Variants in ASPH observed in about 807,000 individuals in gnomAD.
ASPH encodes the protein aspartate beta-hydroxylase, also known as aspartyl/asparaginyl beta-hydroxylase.
In ASPH, 100 loss-of-function variants were observed where a neutral mutation model predicts 118.4. The observed-to-expected ratio is 0.84, with a 90% confidence interval of 0.72 to 1.00. The LOEUF (loss-of-function observed/expected upper bound fraction) is 1.00. Among genes scored for constraint, ASPH ranks in the 50% least tolerant of loss-of-function variants. ASPH has a pLI of 0.00. For synonymous variants in ASPH, 315 were observed against 325.6 expected, an observed-to-expected ratio of 0.97 and a Z score of 0.35; for missense variants, 920 against 919.5, an observed-to-expected ratio of 1.00 and a Z score of -0.01.
intron 16 of ASPH, among the ~76,000 whole-genome samples, chr8:61,572,499 A>T (rs2131934623): frequency 6.6e-6 from 1 of 152,216 alleles, no homozygotes; most frequent in East Asian, 1.9e-4. Flanking sequence ...ATCACTCCAG[A>T]CTTGCTCTTC....
At chr8:61,644,511 A>C in intron 7 of ASPH, 89 bp downstream of exon 7, 1 of 837,090 alleles carries the variant, frequency 1.2e-6, no homozygotes, top group Non-Finnish European at 1.7e-6. Context: ...ATTTAAATAT[A>C]TCATTAATAA....
chr8:61,550,597 C>A (rs1011209963), intron 20 of ASPH, among the ~76,000 whole-genome samples: 1 of 152,178 alleles, frequency 6.6e-6, no homozygotes, highest in Non-Finnish European at 1.5e-5. Flanking sequence ...GGGGTATGTT[C>A]TGCCTGGAGC....
chr8:61,617,947 AAAAGAAAG>A, intron 14 of ASPH, among the ~76,000 whole-genome samples: 1 of 150,668 alleles, frequency 6.6e-6, no homozygotes, highest in South Asian at 2.1e-4. Context: ...AAAAAAAAAA[AAAAGAAAG>A]AAAGAAAGAA....
intron 14 of ASPH, among the ~76,000 whole-genome samples, chr8:61,595,154 A>T (rs1842181022): frequency 6.6e-6 from 1 of 152,224 alleles, no homozygotes; most frequent in South Asian, 2.1e-4. Flanking sequence ...TCCATATGCT[A>T]TAAGAATGAA....
At chr8:61,549,746 A>G (rs1563780960) in intron 20 of ASPH, among the ~76,000 whole-genome samples, 1 of 152,228 alleles carries the variant, frequency 6.6e-6, no homozygotes, top group Non-Finnish European at 1.5e-5. Flanking sequence ...AATACTAAGG[A>G]CAACAGATTG....
intron 1 of ASPH, chr8:61,687,359 T>C (rs1830948196): frequency 6.6e-6 from 1 of 152,198 alleles, no homozygotes; most frequent in African/African-American, 2.4e-5. Flanking sequence ...AGCAAGGGAT[T>C]CAGATGGGAA....
chr8:61,675,804 A>G, intron 3 of ASPH: 2 of 1,246,644 alleles, frequency 1.6e-6, no homozygotes, highest in Middle Eastern at 3.1e-4. Flanking sequence ...CGATACAGAA[A>G]CCAATTATAC....
At chr8:61,548,704 C>G (rs1022997768) in intron 20 of ASPH, among the ~76,000 whole-genome samples, 2 of 152,112 alleles carry the variant, frequency 1.3e-5, no homozygotes, top group Admixed American at 6.5e-5. Context: ...CACACCAAGG[C>G]GTCAGAGTGC....
Position 61,527,198 on chromosome 8 carries a change from T to C in ASPH, c.1765-1086A>G, listed in dbSNP as rs144663834. ...TTTTTATGGAAAAATGGAAAACCAG[T>C]AGAATATTCTAAAGATTGATTGAGT... On this transcript the variant is annotated intron_variant, in intron 21 of 24. Transcript: ENST00000379454. 2.3e-3 allele frequency among the ~76,000 whole-genome samples: 357 copies of C among 152,316 alleles called. 4 individuals are homozygous for C. Among genetic ancestry groups the C allele is most frequent in the African/African-American group, 8.1e-3 (335 of 41,574 alleles).
chr8:61,534,070 C>G (rs180964051), intron 21 of ASPH, among the ~76,000 whole-genome samples: 1 of 152,272 alleles, frequency 6.6e-6, no homozygotes, highest in African/African-American at 2.4e-5. Flanking sequence ...GCCTCAGCCT[C>G]CTGTGTAGCT....
intron 14 of ASPH, among the ~76,000 whole-genome samples, chr8:61,612,013 A>G (rs945569423): frequency 2.0e-5 from 3 of 147,046 alleles, no homozygotes; most frequent in African/African-American, 7.5e-5. Flanking sequence ...AATAGGAATC[A>G]CCTGACCCAG....
intron 23 of ASPH, 130 bp downstream of exon 23, chr8:61,517,902 T>A (rs1563667713): frequency 8.7e-7 from 1 of 1,153,412 alleles, no homozygotes; most frequent in Non-Finnish European, 1.2e-6. Context: ...TAAAATTATG[T>A]TTCAGTAAAA....
intron 20 of ASPH, among the ~76,000 whole-genome samples, chr8:61,548,935 G>A (rs1824871843): frequency 6.6e-6 from 1 of 152,164 alleles, no homozygotes; most frequent in South Asian, 2.1e-4. Context: ...TACGGAGCAT[G>A]ACGCTCTTTA....
intron 13 of ASPH, chr8:61,628,199 A>T: frequency 5.9e-6 from 1 of 169,004 alleles, no homozygotes; most frequent in South Asian, 1.1e-4. Context: ...TCAATCTGTC[A>T]CACAGGCTAG....
At chr8:61,681,574 C>G (rs1828086296) in intron 2 of ASPH, among the ~76,000 whole-genome samples, 1 of 151,640 alleles carries the variant, frequency 6.6e-6, no homozygotes, top group Admixed American at 6.6e-5. Flanking sequence ...TGACTTATAA[C>G]AGAAATATCA....
chr8:61,562,921 G>T (rs1029283690), intron 17 of ASPH, 41 bp from the exon 18 acceptor site: 2 of 1,531,100 alleles, frequency 1.3e-6, no homozygotes, highest in Non-Finnish European at 1.8e-6. Flanking sequence ...AATAAAAACA[G>T]ATTATGTACA....
intron 5 of ASPH, among the ~76,000 whole-genome samples, chr8:61,649,295 A>C (rs1809685665): frequency 6.6e-6 from 1 of 152,182 alleles, no homozygotes; most frequent in South Asian, 2.1e-4. Flanking sequence ...TAAGCAAGTA[A>C]GAGGGTAGGA....
intron 3 of ASPH, among the ~76,000 whole-genome samples, chr8:61,662,316 G>A (rs1403726368): frequency 6.6e-6 from 1 of 152,098 alleles, no homozygotes; most frequent in African/African-American, 2.4e-5. Context: ...GTTGTTAGGG[G>A]TATGGCAAAA....
intron 1 of ASPH, among the ~76,000 whole-genome samples, chr8:61,704,157 T>A (rs1835931236): frequency 1.8e-5 from 2 of 112,746 alleles, no homozygotes; most frequent in African/African-American, 7.0e-5. Context: ...ATCCCGCCAC[T>A]GCACTCCAGC....
Sources: allele counts gnomAD v4.1 joint callset (sites outside exome capture counted in the v4.1 genomes callset), GRCh38; gene constraint gnomAD v4.1.1; transcripts MANE v1.5; gene names NCBI Gene and HGNC (gene_info 2026-07-23, HGNC 2026-07-21).